TMEM132D: variants seen among roughly 807,000 people sequenced by gnomAD.
The protein encoded by TMEM132D is mature OL transmembrane protein.
A neutral mutation model predicts 62.3 loss-of-function variants in TMEM132D; 21 were observed. The observed-to-expected ratio is 0.34, with a 90% confidence interval of 0.24 to 0.49. TMEM132D has a LOEUF of 0.49. TMEM132D is among the 20% of genes least tolerant of loss of function. The pLI, the probability that TMEM132D is intolerant of heterozygous loss-of-function variation, is 0.99. For synonymous variants in TMEM132D, 621 were observed against 575.6 expected (o/e 1.08, Z -1.13); for missense variants, 1,346 against 1,402.8 (o/e 0.96, Z 0.65).
intron 5 of TMEM132D, among the ~76,000 whole-genome samples, chr12:129,114,423 TCCCTCCTTCCTC>T (rs1477873601): frequency 6.6e-6 from 1 of 150,970 alleles, no homozygotes; most frequent in African/African-American, 2.4e-5. Context: ...CTTCCCTCCT[TCCCTCCTTCCTC>T]CCTCCCTCCC....
intron 5 of TMEM132D, among the ~76,000 whole-genome samples, chr12:129,119,892 G>A (rs990146541): frequency 5.3e-5 from 8 of 152,182 alleles, no homozygotes; most frequent in Non-Finnish European, 1.2e-4. Flanking sequence ...GAGGCAGGGG[G>A]TGCTGGCAGG....
At chr12:129,311,059 G>C (rs7977445) in intron 4 of TMEM132D, among the ~76,000 whole-genome samples, 38,622 of 109,934 alleles carry the variant, frequency 0.35, 9,471 homozygotes, top group Middle Eastern at 0.41. Flanking sequence ...TTAGCCGGGC[G>C]TGGTAGCGGG....
intron 4 of TMEM132D, among the ~76,000 whole-genome samples, chr12:129,285,292 G>A (rs1197577036): frequency 2.0e-5 from 3 of 151,752 alleles, no homozygotes; most frequent in African/African-American, 7.3e-5. Context: ...GCCAAAGTAG[G>A]TGGATTGCTT....
intron 1 of TMEM132D, among the ~76,000 whole-genome samples, chr12:129,879,801 T>G (rs554982617): frequency 6.6e-6 from 1 of 152,020 alleles, no homozygotes; most frequent in African/African-American, 2.4e-5. Context: ...CAATAAGAAA[T>G]TATTAATAAT....
Position 129,859,262 on chromosome 12 carries a change from C to A in TMEM132D, c.79+43999G>T, listed in dbSNP as rs146289386. Reference sequence around the variant, plus strand: ...CGAGAACCATAGACATAGACCCCTGCTGTTTATAAGCCACCCATCTATGGA... The same window carrying A: ...CGAGAACCATAGACATAGACCCCTGATGTTTATAAGCCACCCATCTATGGA... On this transcript the variant is annotated intron_variant, in intron 1 of 8. Transcript: ENST00000422113. Among the ~76,000 whole-genome samples, 639 of 152,314 alleles carry A rather than the reference C, an allele frequency of 4.2e-3. 4 individuals are homozygous for A. Among genetic ancestry groups the A allele is most frequent in the African/African-American group, 0.015 (615 of 41,566 alleles).
chr12:129,535,777 C>CGTGT (rs779067793), intron 2 of TMEM132D, among the ~76,000 whole-genome samples: 29,236 of 74,264 alleles, frequency 0.39, 3,016 homozygotes, highest in East Asian at 0.48. Flanking sequence ...GATTTGTGTG[C>CGTGT]GTGTGTGTGT....
intron 1 of TMEM132D, among the ~76,000 whole-genome samples, chr12:129,890,980 GA>G (rs1874905195): frequency 6.6e-6 from 1 of 152,104 alleles, no homozygotes; most frequent in Non-Finnish European, 1.5e-5. Flanking sequence ...GGAGGTCACC[GA>G]ATCAGGGAAC....
intron 7 of TMEM132D, 42 bp from the exon 8 acceptor site, chr12:129,078,767 G>A: frequency 6.3e-7 from 1 of 1,597,122 alleles, no homozygotes; most frequent in Non-Finnish European, 8.6e-7. Context: ...GCTTTCTGTG[G>A]TCCAGGCAAT....
intron 4 of TMEM132D, among the ~76,000 whole-genome samples, chr12:129,259,567 A>G (rs1365597088): frequency 6.6e-6 from 1 of 152,180 alleles, no homozygotes; most frequent in Non-Finnish European, 1.5e-5. Flanking sequence ...AGGTTTAGGC[A>G]TGAAAGTTCA....
intron 2 of TMEM132D, among the ~76,000 whole-genome samples, chr12:129,585,543 T>C (rs904628450): frequency 6.6e-6 from 1 of 152,226 alleles, no homozygotes; most frequent in Non-Finnish European, 1.5e-5. Context: ...ATTATTGGCA[T>C]GTAAGGAGCT....
At chr12:129,862,371 C>T (rs1873926731) in intron 1 of TMEM132D, among the ~76,000 whole-genome samples, 1 of 152,218 alleles carries the variant, frequency 6.6e-6, no homozygotes, top group South Asian at 2.1e-4. Context: ...AAAGCAGACC[C>T]AGCCTTCAGG....
chr12:129,552,268 CA>C (rs1876919382), intron 2 of TMEM132D, among the ~76,000 whole-genome samples: 1 of 152,176 alleles, frequency 6.6e-6, no homozygotes, highest in Admixed American at 6.5e-5. Flanking sequence ...TAAAATCTAA[CA>C]TATTGTCTAC....
intron 5 of TMEM132D, among the ~76,000 whole-genome samples, chr12:129,146,021 C>T (rs747553313): frequency 9.9e-5 from 15 of 151,964 alleles, no homozygotes; most frequent in Non-Finnish European, 1.5e-4. Flanking sequence ...TATGCATATA[C>T]GTTGTGAAAT....
chr12:129,818,416 A>G (rs1194668115), intron 1 of TMEM132D, among the ~76,000 whole-genome samples: 1 of 94,160 alleles, frequency 1.1e-5, no homozygotes. Context: ...TGGGGTTTTA[A>G]GTGTGTATGT....
chr12:129,231,414 G>T (rs1879636570), intron 4 of TMEM132D, among the ~76,000 whole-genome samples: 1 of 152,158 alleles, frequency 6.6e-6, no homozygotes, highest in Non-Finnish European at 1.5e-5. Flanking sequence ...TTCCTGGCTG[G>T]AATTGGCAAA....
intron 1 of TMEM132D, among the ~76,000 whole-genome samples, chr12:129,754,505 G>A (rs1176376980): frequency 6.6e-6 from 1 of 152,106 alleles, no homozygotes; most frequent in Non-Finnish European, 1.5e-5. Context: ...ATGAGGTCTG[G>A]ACCACACAGC....
At position 129,586,840 on chromosome 12, in the gene TMEM132D, A is replaced by G. The variant is rs1878043116; in HGVS notation, c.969-55635T>C. ...CATAACATGATGAAGGTGGCATTCCAAATCAATAGGGAAAGGATAGAAGAC... is the reference window on the plus strand; with the variant it reads ...CATAACATGATGAAGGTGGCATTCCGAATCAATAGGGAAAGGATAGAAGAC... On this transcript the variant is annotated intron_variant, in intron 2 of 8. Coordinates refer to ENST00000422113, the MANE Select transcript of TMEM132D (RefSeq NM_133448.3). Among the ~76,000 whole-genome samples, 3 of 152,182 alleles carry G rather than the reference A, an allele frequency of 2.0e-5. No individual in the cohort carries two copies. In the South Asian group the frequency reaches 6.2e-4, roughly 32 times the overall value.
At chr12:129,360,938 T>C (rs1870229025) in intron 3 of TMEM132D, among the ~76,000 whole-genome samples, 1 of 152,014 alleles carries the variant, frequency 6.6e-6, no homozygotes, top group African/African-American at 2.4e-5. Flanking sequence ...TGAAAAGGTG[T>C]GGCCAAGCAA....
At chr12:129,274,705 T>G (rs1422720847) in intron 4 of TMEM132D, among the ~76,000 whole-genome samples, 2 of 151,936 alleles carry the variant, frequency 1.3e-5, no homozygotes, top group African/African-American at 4.8e-5. Flanking sequence ...GCTACCACAG[T>G]GAAACCCCGT....
Sources: gnomAD v4.1 joint callset for allele counts (sites outside exome capture counted in the v4.1 genomes callset) on GRCh38, gnomAD v4.1.1 for gene constraint, MANE v1.5 for transcripts, NCBI Gene and HGNC (gene_info 2026-07-23, HGNC 2026-07-21) for gene names.